SLC44A2: variants seen among roughly 807,000 people sequenced by gnomAD.
The protein encoded by SLC44A2 is choline transporter-like protein 2.
Under a neutral mutation model 90.8 loss-of-function variants are expected in SLC44A2, and 57 were observed. That is an observed-to-expected ratio of 0.63 (90% CI 0.51 to 0.78). The LOEUF (loss-of-function observed/expected upper bound fraction) is 0.78, where lower values mean the gene tolerates loss of function less well. SLC44A2 is among the 30% of genes least tolerant of loss of function. SLC44A2 has a pLI of 0.00. For synonymous variants in SLC44A2, 355 were observed against 360.7 expected (o/e 0.98, Z 0.18); for missense variants, 794 against 919.7 (o/e 0.86, Z 1.77).
At chr19:10,610,568 C>T (rs1218109665) in intron 1 of SLC44A2, among the ~76,000 whole-genome samples, 1 of 146,852 alleles carries the variant, frequency 6.8e-6, no homozygotes, top group South Asian at 2.2e-4. Flanking sequence ...CTCCTGACCT[C>T]GTGATCTGCC....
At chr19:10,608,393 G>A (rs183643573) in intron 1 of SLC44A2, among the ~76,000 whole-genome samples, 1 of 151,998 alleles carries the variant, frequency 6.6e-6, no homozygotes, top group Non-Finnish European at 1.5e-5. Flanking sequence ...GCATAGAATA[G>A]TACATTTGTG....
chr19:10,620,371 C>T (rs1452223184), intron 1 of SLC44A2, among the ~76,000 whole-genome samples: 1 of 151,856 alleles, frequency 6.6e-6, no homozygotes, highest in African/African-American at 2.4e-5. Flanking sequence ...ATTCCAGTTA[C>T]CCGGGGGTGC....
At chr19:10,632,920 C>T (rs117996966) in intron 10 of SLC44A2, among the ~76,000 whole-genome samples, 4,417 of 152,030 alleles carry the variant, frequency 0.029, 74 homozygotes, top group South Asian at 0.082. Flanking sequence ...GATCTGCCCG[C>T]TTCAGCCTCC....
intron 21 of SLC44A2, 85 bp downstream of exon 21, chr19:10,642,536 A>G (rs754421173): frequency 1.6e-5 from 20 of 1,281,372 alleles, no homozygotes; most frequent in Non-Finnish European, 2.3e-5. Context: ...ACGGGGCAAC[A>G]CGCTTGCCTG....
chr19:10,618,863 C>T (rs535895163), intron 1 of SLC44A2, among the ~76,000 whole-genome samples: 1 of 151,926 alleles, frequency 6.6e-6, no homozygotes, highest in African/African-American at 2.4e-5. Flanking sequence ...CATGAGCCAC[C>T]ATGCCTGGCC....
chr19:10,602,682 G>C, intron 1 of SLC44A2: 1 of 943,498 alleles, frequency 1.1e-6, no homozygotes, highest in Non-Finnish European at 1.4e-6. Flanking sequence ...TCCGCGCTCG[G>C]GCCCCCGCAT....
upstream of SLC44A2, chr19:10,602,479 C>T: frequency 8.4e-7 from 1 of 1,185,398 alleles, no homozygotes. Flanking sequence ...CTCCCGCCCG[C>T]CCGGGCTGGG....
intron 10 of SLC44A2, among the ~76,000 whole-genome samples, chr19:10,634,283 C>T (rs560376762): frequency 6.0e-5 from 9 of 150,784 alleles, no homozygotes; most frequent in Admixed American, 1.3e-4. Flanking sequence ...CCACCGCGCC[C>T]GGCCAACCCC....
Position 10,632,293 on chromosome 19 carries a change from T to C in SLC44A2, c.823+137T>C, listed in dbSNP as rs1442264351. On this transcript the variant is annotated intron_variant, in intron 10 of 21. Transcript: ENST00000335757. ...GGCTCACGCCTGTAATCCCAGCACT[T>C]TGGGAGGCCGAGGCAGGCAGATCAC... 1.6e-5 allele frequency: 11 copies of C among 684,968 alleles called. No homozygotes were observed. The African/African-American group carries it at 2.0e-4, about 12-fold the overall frequency. 42.4% of individuals were successfully genotyped at this position (684,968 alleles called of 1,614,324 possible).
chr19:10,626,895 GGCTACTCAGA>G (rs1168878688), intron 2 of SLC44A2, among the ~76,000 whole-genome samples: 61 of 151,726 alleles, frequency 4.0e-4, no homozygotes, highest in Non-Finnish European at 3.1e-4. Flanking sequence ...ACTACTCAGA[GGCTACTCAGA>G]AGGCTGAGGC....
chr19:10,638,745 G>A (rs1421900870), intron 20 of SLC44A2, among the ~76,000 whole-genome samples: 5 of 151,132 alleles, frequency 3.3e-5, no homozygotes, highest in Non-Finnish European at 7.4e-5. Flanking sequence ...AGCGATTCTT[G>A]TGCCTCAGCC....
chr19:10,634,033 C>T (rs572927131), intron 10 of SLC44A2, among the ~76,000 whole-genome samples: 17 of 145,218 alleles, frequency 1.2e-4, no homozygotes, highest in East Asian at 6.3e-4. Flanking sequence ...TGCAGTGGCG[C>T]GATCTCAGCT....
rs201563344 is a variant in SLC44A2, at chr19:10,635,304, C to T, written c.1148+49C>T. 5.6e-6 allele frequency: 9 copies of T among 1,608,010 alleles called. No individual in the cohort carries two copies. The African/African-American group carries it at 6.7e-5, about 12-fold the overall frequency. On this transcript the variant is annotated intron_variant, in intron 13 of 21. Transcript: ENST00000335757. ...TCTGACCCCAGGGATGGCTAAAGAC[C>T]AACTTTGCCTAGAAGTGACCTGCAG...
chr19:10,635,854 C>G (rs1361635757), intron 14 of SLC44A2: 1 of 250,386 alleles, frequency 4.0e-6, no homozygotes, highest in African/African-American at 2.4e-5. Flanking sequence ...TCTCAGCTCA[C>G]TGCAACTTCC....
chr19:10,629,257 T>A (rs1318877869), intron 4 of SLC44A2, among the ~76,000 whole-genome samples: 1 of 49,918 alleles, frequency 2.0e-5, no homozygotes, highest in Non-Finnish European at 4.1e-5. Flanking sequence ...CTGCAGTTTT[T>A]AAACTATTAT....
chr19:10,643,083 G>C, intron 21 of SLC44A2, 196 bp from the exon 22 acceptor site: 1 of 1,458,074 alleles, frequency 6.9e-7, no homozygotes, highest in Non-Finnish European at 9.0e-7. Flanking sequence ...CATGAAGCGG[G>C]GGGGTTCCTG....
At chr19:10,613,538 A>G (rs2066830578) in intron 1 of SLC44A2, among the ~76,000 whole-genome samples, 1 of 152,170 alleles carries the variant, frequency 6.6e-6, no homozygotes, top group African/African-American at 2.4e-5. Context: ...GGTGTAAGCC[A>G]CTGCGCCTGG....
chr19:10,619,533 G>A (rs2066882209), intron 1 of SLC44A2, among the ~76,000 whole-genome samples: 1 of 151,384 alleles, frequency 6.6e-6, no homozygotes, highest in Admixed American at 6.6e-5. Context: ...TATTTTTGTA[G>A]AGACGAGGTC....
At chr19:10,642,998 C>T (rs543172214) in intron 21 of SLC44A2, 60 of 1,569,348 alleles carry the variant, frequency 3.8e-5, no homozygotes, top group Admixed American at 5.4e-5. Context: ...GGAGGGGAAG[C>T]GGGCAGAAGC....
Sources: gnomAD v4.1 joint callset for allele counts (sites outside exome capture counted in the v4.1 genomes callset) on GRCh38, gnomAD v4.1.1 for gene constraint, MANE v1.5 for transcripts, NCBI Gene and HGNC (gene_info 2026-07-23, HGNC 2026-07-21) for gene names.